The following IDI1 variants were observed in gnomAD, a reference collection of about 807,000 sequenced individuals.
IDI1 encodes the protein isopentenyl-diphosphate Delta-isomerase 1.
IDI1 carries 23 observed loss-of-function variants against 32.9 expected under a neutral mutation model. The observed-to-expected ratio is 0.70, with a 90% CI of 0.50 to 0.99. IDI1 has a LOEUF of 0.99. Ranked by LOEUF, IDI1 falls within the 50% of genes least tolerant of loss-of-function variation. The pLI is 0.00. For missense variants in IDI1, 326 were observed against 351.9 expected, an observed-to-expected ratio of 0.93 and a Z score of 0.59; for synonymous variants, 133 against 128.2, an observed-to-expected ratio of 1.04 and a Z score of -0.25.
intron 4 of IDI1, among the ~76,000 whole-genome samples, chr10:1,041,847 C>T (rs1208839999): frequency 6.6e-6 from 1 of 150,774 alleles, no homozygotes; most frequent in African/African-American, 2.4e-5. Context: ...TTGCTGTCAC[C>T]CAAGCTGGAG....
At chr10:1,050,207 A>C (rs1465544371), upstream of IDI1, among the ~76,000 whole-genome samples, 2 of 152,208 alleles carry the variant, frequency 1.3e-5, no homozygotes. Context: ...TATTCACTTA[A>C]AAAACACACG....
chr10:1,048,222 C>A, intron 1 of IDI1: 2 of 1,297,222 alleles, frequency 1.5e-6, no homozygotes, highest in Non-Finnish European at 2.0e-6. Context: ...TGCATAATCA[C>A]AAGATAAAAT....
chr10:1,041,444 T>C lies in IDI1; in HGVS notation c.598A>G (p.Ile200Val), dbSNP rs1275100909. The change falls in exon 5 of 5, where the codon ATC becomes GTC. Residue 200 changes from isoleucine (I) to valine (V), a missense_variant. By Grantham distance (29) the Ile-to-Val change is conservative. Around this residue, in one of 2 missense-constraint regions of IDI1, gnomAD observed 205 missense variants for 273.5 expected, o/e 0.75. Coordinates refer to ENST00000381344, the MANE Select transcript of IDI1 (RefSeq NM_004508.4). ...TAATCAATTTCATGTTCACCCCAGA[T>C]ACCATCAGACTGAGCTTTGTAGTGA... is the stretch of plus-strand genomic sequence containing the variant. ...RIHYKAQSDG[I>V]WGEHEIDYIL... is the part of the protein sequence containing the mutation. 2.5e-6 allele frequency: 4 copies of C among 1,610,590 alleles called. No individual in the cohort carries two copies. The African/African-American group carries it at 4.0e-5, about 16-fold the overall frequency.
upstream of IDI1, chr10:1,049,285 T>G (rs549122632): frequency 8.3e-6 from 4 of 483,624 alleles, no homozygotes; most frequent in African/African-American, 6.2e-5. Flanking sequence ...GAACGGTGCC[T>G]AACGTCAGAC....
At chr10:1,042,610 G>T (rs1832642192) in intron 4 of IDI1, 22 bp downstream of exon 4, 1 of 1,612,568 alleles carries the variant, frequency 6.2e-7, no homozygotes, top group South Asian at 1.1e-5. Flanking sequence ...AGCTTGTATG[G>T]TTGTGTAGGA....
chr10:1,043,059 G>T (rs1832665907), intron 3 of IDI1, among the ~76,000 whole-genome samples: 1 of 152,176 alleles, frequency 6.6e-6, no homozygotes, highest in South Asian at 2.1e-4. Flanking sequence ...AAAGATCAAA[G>T]TGTAGATAAT....
At chr10:1,048,662 G>A (rs1439866792) in intron 1 of IDI1, 1 of 1,410,672 alleles carries the variant, frequency 7.1e-7, no homozygotes, top group Non-Finnish European at 9.2e-7. Flanking sequence ...GCCTTCCACG[G>A]GGCGCGGGCG....
intron 1 of IDI1, among the ~76,000 whole-genome samples, chr10:1,048,104 C>G (rs569928741): frequency 1.2e-4 from 19 of 152,250 alleles, no homozygotes; most frequent in Non-Finnish European, 2.4e-4. Context: ...TCACTGCAGC[C>G]TTCGACTCCG....
the IDI1 span, among the ~76,000 whole-genome samples, chr10:1,056,008 C>CCTGG: frequency 6.6e-6 from 1 of 152,178 alleles, no homozygotes; most frequent in Admixed American, 6.5e-5. Context: ...AGGGTTTCAC[C>CCTGG]ATGTTGGCCA....
chr10:1,044,007 A>G lies in IDI1; in HGVS notation c.305T>C (p.Ile102Thr), dbSNP rs898035148. The change falls in exon 2 of 5, where the codon ATT becomes ACT. Residue 102 changes from isoleucine (I) to threonine (T), a missense_variant. Around this residue, in one of 2 missense-constraint regions of IDI1, gnomAD observed 205 missense variants for 273.5 expected, o/e 0.75. Transcript: ENST00000381344. ...TKKNCHLNENIEKGLLHRAFS... is the reference protein window; with the variant it reads ...TKKNCHLNENTEKGLLHRAFS... ...CTGTTTCAAAGCAGCACCTTTCTCAATGTTCTCGTTCAGGTGACAATTCTT... is the reference window on the plus strand; with the variant it reads ...CTGTTTCAAAGCAGCACCTTTCTCAGTGTTCTCGTTCAGGTGACAATTCTT... 2 of 1,610,718 alleles carry G rather than the reference A, an allele frequency of 1.2e-6. No homozygotes were observed. Among genetic ancestry groups the G allele is most frequent in the South Asian group, 1.1e-5 (1 of 90,656 alleles).
chr10:1,049,012 C>T lies in IDI1; in HGVS notation c.-9G>A, dbSNP rs576043711. 2 of 1,481,110 alleles carry T rather than the reference C, an allele frequency of 1.4e-6. No individual in the cohort carries two copies. Among genetic ancestry groups the T allele is most frequent in the East Asian group, 5.3e-5 (2 of 37,616 alleles). The allele number at this position is 1,481,110 out of a possible 1,614,324, so 91.7% of individuals were successfully genotyped here. A position where few individuals can be genotyped will look rare whatever the true frequency, so the allele number is the denominator to read the frequency against. On this transcript the variant is annotated 5_prime_UTR_variant, in exon 1 of 5. Transcript: ENST00000381344. ...GCCAGTCCACGCCACATCGCCCGGCCAATTGGCGCCCGTACGCGCTTGACG... is the reference window on the plus strand; with the variant it reads ...GCCAGTCCACGCCACATCGCCCGGCTAATTGGCGCCCGTACGCGCTTGACG...
chr10:1,042,843 T>C, intron 3 of IDI1, 81 bp from the exon 4 acceptor site: 1 of 1,182,282 alleles, frequency 8.5e-7, no homozygotes, highest in Non-Finnish European at 1.2e-6. Context: ...TATAAGTAAC[T>C]GAAAAATGAA....
chr10:1,051,055 G>C (rs140524535), upstream of IDI1, among the ~76,000 whole-genome samples: 1 of 152,214 alleles, frequency 6.6e-6, no homozygotes, highest in Non-Finnish European at 1.5e-5. Context: ...TTTTGTACTT[G>C]TTACATTAAA....
Position 1,044,083 on chromosome 10 carries a change from T to A in IDI1, c.229A>T (p.Met77Leu), listed in dbSNP as rs775521932. The A allele has an allele frequency of 6.8e-6, 11 of 1,613,432 alleles. No individual in the cohort carries two copies. Among genetic ancestry groups the A allele is most frequent in the South Asian group, 3.3e-5 (3 of 91,054 alleles). ...TCATTTTCATCAATAAGGATACACATCTCTGCCAGGAGTTGAACCTGTTGC... is the reference window on the plus strand; with the variant it reads ...TCATTTTCATCAATAAGGATACACAACTCTGCCAGGAGTTGAACCTGTTGC... ...DKQQVQLLAEMCILIDENDNK... is the reference protein window; with the variant it reads ...DKQQVQLLAELCILIDENDNK... The change falls in exon 2 of 5, where the codon ATG becomes TTG. Residue 77 changes from methionine (M) to leucine (L), a missense_variant. Physicochemically the swap from Met to Leu is conservative, Grantham distance 15 (BLOSUM62 2). Transcript: ENST00000381344.
At chr10:1,056,139 T>G in the IDI1 span, among the ~76,000 whole-genome samples, 1 of 152,098 alleles carries the variant, frequency 6.6e-6, no homozygotes, top group East Asian at 1.9e-4. Context: ...GGAGCAGGAA[T>G]GTTAACCTAC....
chr10:1,041,342 C>T lies in IDI1; in HGVS notation c.700G>A (p.Glu234Lys), dbSNP rs748436217. 9 of 1,613,676 alleles carry T rather than the reference C, an allele frequency of 5.6e-6. No individual in the cohort carries two copies. In the East Asian group the frequency reaches 1.8e-4, roughly 32 times the overall value. ...EIKSYCYVSKEELKELLKKAA... is the reference protein window; with the variant it reads ...EIKSYCYVSKKELKELLKKAA... ...TTTTTCAGAAGTTCTTTTAGTTCTT[C>T]CTTTGACACATAACAATAGCTTTTA... The change falls in exon 5 of 5, where the codon GAA becomes AAA. Residue 234 changes from glutamate (E) to lysine (K), a missense_variant. Glu to Lys is a moderately conservative substitution (Grantham distance 56). This residue lies in a region of IDI1 where 205 missense variants were observed against 273.5 expected (regional missense o/e 0.75). Transcript: ENST00000381344.
Position 1,043,468 on chromosome 10 carries a change from G to A in IDI1, c.314-75C>T, listed in dbSNP as rs1425091299. ...TGCCAAATTCTCTCCCTGCAGTTCA[G>A]AATAACATTAGTAACTTGCTGCTGC... On this transcript the variant is annotated intron_variant, in intron 2 of 4. Coordinates refer to ENST00000381344, the MANE Select transcript of IDI1 (RefSeq NM_004508.4). The A allele has an allele frequency of 1.8e-5, 16 of 881,786 alleles. No homozygotes were observed. The Admixed American group carries it at 2.8e-4, about 15-fold the overall frequency. The allele number at this position is 881,786 out of a possible 1,614,324, so 54.6% of individuals were successfully genotyped here. A position where few individuals can be genotyped will look rare whatever the true frequency, so the allele number is the denominator to read the frequency against.
rs1277471272 is a variant in IDI1 at position 1,039,901 on chromosome 10, C to G, written c.*1286G>C. 1 of 152,178 alleles carries G rather than the reference C, an allele frequency of 6.6e-6. No homozygotes were observed. The highest frequency in any genetic ancestry group is 2.4e-5 in the African/African-American group (1 of 41,458). 9.4% of individuals were successfully genotyped at this position (152,178 alleles called of 1,614,324 possible). On this transcript the variant is annotated 3_prime_UTR_variant, in exon 5 of 5. Coordinates refer to ENST00000381344, the MANE Select transcript of IDI1 (RefSeq NM_004508.4). ...TGTATCAAAATTTTAACAAACTAAA[C>G]ACAGTATTAAATTGCAATTTTTTTT...
chr10:1,043,618 T>G, intron 2 of IDI1: 1 of 668,248 alleles, frequency 1.5e-6, no homozygotes, highest in Non-Finnish European at 2.7e-6. Flanking sequence ...GTGGCCCCTT[T>G]CCGGCAGTCA....
Sources: gnomAD v4.1 joint callset for allele counts (sites outside exome capture counted in the v4.1 genomes callset) on GRCh38, gnomAD v4.1.1 for gene constraint, gnomAD v4.1.1 regional missense constraint, MANE v1.5 for transcripts, NCBI Gene and HGNC (gene_info 2026-07-23, HGNC 2026-07-21) for gene names.